Variants in ACAD10 observed in about 807,000 individuals in gnomAD.
ACAD10 encodes the protein acyl-CoA dehydrogenase family member 10, also known as ACAD-10.
A neutral mutation model predicts 116.8 loss-of-function variants in ACAD10; 112 were observed. That is an observed-to-expected ratio of 0.96 (90% CI 0.82 to 1.12). The LOEUF (loss-of-function observed/expected upper bound fraction) is 1.12, where lower values mean the gene tolerates loss of function less well. Among genes scored for constraint, ACAD10 ranks in the 50% most tolerant of loss-of-function variants. The probability of loss-of-function intolerance (pLI) is 0.00; values close to 1 mark genes in which losing one functional copy is unlikely to be tolerated. For synonymous variants in ACAD10, 486 were observed against 510.6 expected, an observed-to-expected ratio of 0.95 and a Z score of 0.65; for missense variants, 1,259 against 1,350.2, an observed-to-expected ratio of 0.93 and a Z score of 1.06.
intron 16 of ACAD10, 38 bp downstream of exon 16, chr12:111,747,423 G>C (rs1402321391): frequency 1.2e-6 from 2 of 1,609,502 alleles, no homozygotes; most frequent in Non-Finnish European, 1.7e-6. Context: ...ATGCACATCA[G>C]GGAGTCTGTG....
At chr12:111,755,931 C>T (rs899423792) in intron 20 of ACAD10, 186 bp downstream of exon 20, 2 of 720,830 alleles carry the variant, frequency 2.8e-6, no homozygotes, top group African/African-American at 3.5e-5. Context: ...ATCGTACCCC[C>T]ATTTTGAATG....
intron 18 of ACAD10, chr12:111,753,254 T>A: frequency 9.9e-6 from 3 of 302,486 alleles, no homozygotes; most frequent in Non-Finnish European, 2.0e-5. Flanking sequence ...AAAATCCCCC[T>A]TGCAGATAAG....
chr12:111,704,645 A>AAATGTGAT (rs1888445279), intron 3 of ACAD10, among the ~76,000 whole-genome samples: 1 of 151,996 alleles, frequency 6.6e-6, no homozygotes, highest in African/African-American at 2.4e-5. Flanking sequence ...GCAGATTTTG[A>AAATGTGAT]AATGTGATAA....
chr12:111,737,929 T>C (rs1019037098), intron 12 of ACAD10, among the ~76,000 whole-genome samples: 2 of 152,054 alleles, frequency 1.3e-5, no homozygotes, highest in Non-Finnish European at 2.9e-5. Flanking sequence ...CTTGGTTCAC[T>C]GCAACCTCCA....
At position 111,709,664 on chromosome 12, in the gene ACAD10, C is replaced by G. The variant is rs748890855; in HGVS notation, c.670C>G (p.Leu224Val). 1.2e-6 allele frequency: 2 copies of G among 1,613,354 alleles called. No homozygotes were observed. The highest frequency in any genetic ancestry group is 1.7e-5 in the Admixed American group (1 of 59,850). The part of the protein sequence containing the change: ...LGTNLKEAAR[L>V]GIHTIKVNDP... ...AACAAATCTAAAAGAAGCTGCCAGA[C>G]TTGGTATTCACACCATTAAGGTAAT... is the stretch of plus-strand genomic sequence containing the variant. Residue 224 changes from leucine (L) to valine (V), a missense_variant, in exon 5 of 21, where the codon CTT (leucine) becomes GTT (valine). Coordinates refer to ENST00000313698, the MANE Select transcript of ACAD10 (RefSeq NM_025247.6).
intron 5 of ACAD10, 89 bp downstream of exon 5, chr12:111,709,773 C>T: frequency 7.3e-7 from 1 of 1,364,880 alleles, no homozygotes; most frequent in African/African-American, 1.5e-5. Flanking sequence ...GTAGCTCTAG[C>T]TTTCCTTAGG....
chr12:111,733,686 G>T (rs950434257), intron 10 of ACAD10: 7 of 556,840 alleles, frequency 1.3e-5, no homozygotes, highest in Non-Finnish European at 2.2e-5. Flanking sequence ...CAGAGAAGGA[G>T]CTGGGGAAAT....
At chr12:111,712,447 A>G in intron 5 of ACAD10, 51 bp from the exon 6 acceptor site, 1 of 1,543,928 alleles carries the variant, frequency 6.5e-7, no homozygotes, top group Non-Finnish European at 8.8e-7. Context: ...AAAGGAAGGG[A>G]AAAATAACAA....
chr12:111,686,267 A>C (rs112071868), intron 1 of ACAD10, 28 bp downstream of exon 1: 1 of 152,678 alleles, frequency 6.5e-6, no homozygotes, highest in South Asian at 2.0e-4. Context: ...GCTATCTGCT[A>C]TGCAGAACTT....
intron 20 of ACAD10, 56 bp downstream of exon 20, chr12:111,755,801 T>C (rs2068077197): frequency 2.6e-6 from 4 of 1,544,098 alleles, no homozygotes; most frequent in Non-Finnish European, 3.6e-6. Context: ...GATGCCAAAC[T>C]CTCCTATCTT....
At chr12:111,700,603 C>T (rs1221956899) in intron 2 of ACAD10, among the ~76,000 whole-genome samples, 1 of 152,074 alleles carries the variant, frequency 6.6e-6, no homozygotes, top group Non-Finnish European at 1.5e-5. Flanking sequence ...TATGCTTTAG[C>T]TCTAAAATTA....
intron 12 of ACAD10, among the ~76,000 whole-genome samples, chr12:111,740,331 G>T (rs956292909): frequency 6.6e-6 from 1 of 151,786 alleles, no homozygotes; most frequent in African/African-American, 2.4e-5. Context: ...GTGTGGTGAT[G>T]CCGCCTATAA....
intron 17 of ACAD10, 72 bp from the exon 18 acceptor site, chr12:111,749,101 G>A (rs1889997410): frequency 6.2e-7 from 1 of 1,613,682 alleles, no homozygotes; most frequent in Non-Finnish European, 8.5e-7. Flanking sequence ...AACCCAGACT[G>A]AGGTGAGGAA....
At chr12:111,753,296 G>A (rs1001556959) in intron 18 of ACAD10, 4 of 342,832 alleles carry the variant, frequency 1.2e-5, no homozygotes, top group Admixed American at 7.7e-5. Context: ...GGAGCGAGAC[G>A]GGGCTGAGGG....
chr12:111,686,716 C>CA (rs930177005), intron 1 of ACAD10, among the ~76,000 whole-genome samples: 4 of 151,632 alleles, frequency 2.6e-5, no homozygotes, highest in Admixed American at 6.6e-5. Flanking sequence ...AACTCCGTCT[C>CA]AAAAAAAAGA....
At chr12:111,715,481 T>G in intron 6 of ACAD10, 1 of 267,134 alleles carries the variant, frequency 3.7e-6, no homozygotes, top group Admixed American at 4.5e-5. Flanking sequence ...CATGGCTGCG[T>G]TTGTGCTTGA....
At position 111,709,675 on chromosome 12, in the gene ACAD10, C is replaced by T; in HGVS notation, c.681C>T (p.His227=). ...NLKEAARLGI[H]TIKVNDPETA... ...AAGAAGCTGCCAGACTTGGTATTCACACCATTAAGGTAATAGTCACTAATT... is the reference window on the plus strand; with the variant it reads ...AAGAAGCTGCCAGACTTGGTATTCATACCATTAAGGTAATAGTCACTAATT... Residue 227 remains histidine (H), a synonymous_variant, in exon 5 of 21, where the codon CAC becomes CAT. Coordinates refer to ENST00000313698, the MANE Select transcript of ACAD10 (RefSeq NM_025247.6). The T allele has an allele frequency of 3.7e-6, 6 of 1,612,442 alleles. No individual in the cohort carries two copies. Among genetic ancestry groups the T allele is most frequent in the Non-Finnish European group, 4.2e-6 (5 of 1,179,564 alleles).
At position 111,749,355 on chromosome 12, in the gene ACAD10, T is replaced by C; in HGVS notation, c.2817+10T>C. 6.2e-7 allele frequency: 1 copy of C among 1,609,046 alleles called. No homozygotes were observed. Among genetic ancestry groups the C allele is most frequent in the Non-Finnish European group, 8.5e-7 (1 of 1,177,524 alleles). On this transcript the variant is annotated intron_variant, in intron 18 of 20. Coordinates refer to ENST00000313698, the MANE Select transcript of ACAD10 (RefSeq NM_025247.6). ...ACTCATGAAGGCCCGCGTGAGTGCT[T>C]TCCCCCGCACCCAGCACTGACTCAG...
chr12:111,708,945 A>G (rs1411271923), intron 4 of ACAD10, among the ~76,000 whole-genome samples: 1 of 151,886 alleles, frequency 6.6e-6, no homozygotes, highest in African/African-American at 2.4e-5. Flanking sequence ...CAGCCCTCCC[A>G]TGGAATTTCT....
Sources: allele counts gnomAD v4.1 joint callset (sites outside exome capture counted in the v4.1 genomes callset), GRCh38; gene constraint gnomAD v4.1.1; transcripts MANE v1.5; gene names NCBI Gene and HGNC (gene_info 2026-07-23, HGNC 2026-07-21).